Variants in LIPI observed in about 807,000 individuals in gnomAD.
LIPI encodes the protein lipase I, also known as lipase member I.
LIPI carries 59 observed loss-of-function variants against 50.6 expected under a neutral mutation model. The observed-to-expected ratio is 1.16, with a 90% CI of 0.94 to 1.45. The LOEUF (loss-of-function observed/expected upper bound fraction) is 1.45, where lower values mean the gene tolerates loss of function less well. LIPI is among the 40% of genes most tolerant of loss of function. LIPI has a pLI of 0.00. For missense variants in LIPI, 586 were observed against 536.3 expected, an observed-to-expected ratio of 1.09 and a Z score of -0.92; for synonymous variants, 203 against 178.2, an observed-to-expected ratio of 1.14 and a Z score of -1.11.
Position 14,165,389 on chromosome 21 carries a change from TC to T in LIPI, c.734del (p.Gly245GlufsTer20). 2 of 1,606,088 alleles carry T rather than the reference TC, an allele frequency of 1.2e-6. No homozygotes were observed. The highest frequency in any genetic ancestry group is 1.7e-6 in the Non-Finnish European group (2 of 1,174,088). On this transcript the variant is annotated frameshift_variant and splice_region_variant, in exon 6 of 10. Coordinates refer to ENST00000681601, the MANE Select transcript of LIPI (RefSeq NM_001302998.2). LOFTEE classifies it high-confidence loss of function. ...GGTGGTTGCATTTAATGAATTGAAT[TC>T]CTTAAGGGTTAAAAAAAAAACAAAG... ...QPGCPKSIFSGIQFIKCNHQR... is the reference protein window; with the variant it reads ...QPGCPKSIFSXIQFIKCNHQR...
chr21:14,181,799 G>T lies in LIPI; in HGVS notation c.602C>A (p.Thr201Lys). The stretch of plus-strand genomic sequence containing the variant: ...GATGACATCCACAAACTTTGCATCC[G>T]TGTAATCTAATCTGCTATATGGTGG... ...RKPPYSRLDY[T>K]DAKFVDVIHS... The change falls in exon 4 of 10, where the codon ACG becomes AAG. Residue 201 changes from threonine (T) to lysine (K), a missense_variant. Transcript: ENST00000681601. The T allele has an allele frequency of 1.9e-6, 3 of 1,611,730 alleles. No individual in the cohort carries two copies. The highest frequency in any genetic ancestry group is 2.5e-6 in the Non-Finnish European group (3 of 1,178,252).
intron 9 of LIPI, among the ~76,000 whole-genome samples, chr21:14,123,644 A>T (rs934121259): frequency 8.3e-4 from 127 of 152,340 alleles, no homozygotes; most frequent in African/African-American, 3.1e-3. Context: ...AAAGATAACA[A>T]ATGGCCTCCT....
In LIPI at chr21:14,189,230, A is replaced by T. The variant is rs1340453540; in HGVS notation, c.236T>A (p.Leu79His). ...GCCTACTGGTCTGTATCCGTGAATA[A>T]GCCAGACTGTTTTCTTTTGTGTGTT... ...NFNTQKKTVWLIHGYRPVGSI... is the reference protein window; with the variant it reads ...NFNTQKKTVWHIHGYRPVGSI... The change falls in exon 2 of 10, where the codon CTT becomes CAT. Residue 79 changes from leucine (L) to histidine (H), a missense_variant. Physicochemically the swap from Leu to His is moderately conservative, Grantham distance 99 (BLOSUM62 -3). Transcript: ENST00000681601. 2 of 1,614,056 alleles carry T rather than the reference A, an allele frequency of 1.2e-6. No homozygotes were observed. The highest frequency in any genetic ancestry group is 2.2e-5 in the South Asian group (2 of 91,078).
intron 4 of LIPI, among the ~76,000 whole-genome samples, chr21:14,169,770 C>A (rs1006979523): frequency 2.0e-5 from 3 of 151,998 alleles, no homozygotes; most frequent in Non-Finnish European, 4.4e-5. Context: ...AGGAAAGATC[C>A]AAAATTGACA....
At chr21:14,201,128 T>C (rs2020037827) in intron 1 of LIPI, among the ~76,000 whole-genome samples, 1 of 152,016 alleles carries the variant, frequency 6.6e-6, no homozygotes, top group Non-Finnish European at 1.5e-5. Flanking sequence ...ATTAAAAACA[T>C]AAAATGTAAA....
chr21:14,194,231 G>T (rs2019769876), intron 1 of LIPI, among the ~76,000 whole-genome samples: 1 of 152,120 alleles, frequency 6.6e-6, no homozygotes, highest in African/African-American at 2.4e-5. Flanking sequence ...AGCTGCTGTG[G>T]AAAATGGTAT....
At chr21:14,153,469 G>T (rs2018170198) in intron 7 of LIPI, among the ~76,000 whole-genome samples, 1 of 152,142 alleles carries the variant, frequency 6.6e-6, no homozygotes, top group African/African-American at 2.4e-5. Flanking sequence ...GATTATTTCT[G>T]ACAGCACAGA....
chr21:14,157,517 G>A (rs1266722169), intron 7 of LIPI, among the ~76,000 whole-genome samples: 3 of 151,816 alleles, frequency 2.0e-5, no homozygotes, highest in African/African-American at 7.2e-5. Context: ...ACCAGGCTTT[G>A]GAGAACGTTA....
chr21:14,150,578 G>A (rs1483196016), intron 8 of LIPI, among the ~76,000 whole-genome samples: 1 of 152,084 alleles, frequency 6.6e-6, no homozygotes, highest in Non-Finnish European at 1.5e-5. Context: ...TGAATAATTT[G>A]AATAAGCAAT....
intron 1 of LIPI, among the ~76,000 whole-genome samples, chr21:14,199,640 C>G (rs377414): frequency 0.51 from 76,073 of 150,184 alleles, 19,606 homozygotes; most frequent in Non-Finnish European, 0.56. Flanking sequence ...TCTGGGACCA[C>G]ATGTATTCAC....
At position 14,210,941 on chromosome 21, in the gene LIPI, G is replaced by A. The variant is rs1303898216; in HGVS notation, c.-96C>T. The A allele has an allele frequency of 2.8e-6, 3 of 1,087,310 alleles. No homozygotes were observed. Among genetic ancestry groups the A allele is most frequent in the South Asian group, 4.7e-5 (2 of 42,330 alleles). The allele number at this position is 1,087,310 out of a possible 1,614,324, so 67.4% of individuals were successfully genotyped here. On this transcript the variant is annotated 5_prime_UTR_variant, in exon 1 of 10. Transcript: ENST00000681601. ...CTCTTTGGTAGGATCATCACAGGCT[G>A]GCAGGTTCTTCTGTAAAAGTTCACT... is the stretch of plus-strand genomic sequence containing the variant.
Position 14,135,780 on chromosome 21 carries a change from A to G in LIPI, c.1295+8843T>C, listed in dbSNP as rs551216432. On this transcript the variant is annotated intron_variant, in intron 9 of 9. Coordinates refer to ENST00000681601, the MANE Select transcript of LIPI (RefSeq NM_001302998.2). ...AGTCCTAGGGCTGAACTAGGCCCAGAGGCAATAGATTGAGGGGCCATGTCA... is the reference window on the plus strand; with the variant it reads ...AGTCCTAGGGCTGAACTAGGCCCAGGGGCAATAGATTGAGGGGCCATGTCA... Among the ~76,000 whole-genome samples, 12 of 152,018 alleles carry G rather than the reference A, an allele frequency of 7.9e-5. No homozygotes were observed. The East Asian group carries it at 2.3e-3, about 29-fold the overall frequency.
chr21:14,205,538 G>C (rs957482056), intron 1 of LIPI, among the ~76,000 whole-genome samples: 22 of 151,248 alleles, frequency 1.5e-4, no homozygotes, highest in African/African-American at 5.4e-4. Context: ...GTATATATTT[G>C]TGCACATACC....
At chr21:14,166,314 C>T (rs1481053439) in intron 5 of LIPI, 48 bp downstream of exon 5, 2 of 1,040,914 alleles carry the variant, frequency 1.9e-6, no homozygotes, top group South Asian at 2.5e-5. Context: ...TATTTTCTTT[C>T]ATCATTTCGA....
At chr21:14,124,960 A>G (rs1288231078) in intron 9 of LIPI, among the ~76,000 whole-genome samples, 1 of 151,526 alleles carries the variant, frequency 6.6e-6, no homozygotes, top group African/African-American at 2.4e-5. Context: ...ATGTCATTGC[A>G]CTCCAGCCTG....
chr21:14,163,637 G>A, intron 6 of LIPI, 114 bp from the exon 7 acceptor site: 1 of 658,276 alleles, frequency 1.5e-6, no homozygotes, highest in Non-Finnish European at 2.8e-6. Flanking sequence ...TGATCATCAT[G>A]GATTTTGATA....
chr21:14,118,035 T>C (rs556499055), intron 9 of LIPI, among the ~76,000 whole-genome samples: 1 of 151,446 alleles, frequency 6.6e-6, no homozygotes, highest in South Asian at 2.1e-4. Context: ...GAGAGATCAA[T>C]GTGTGAGATG....
intron 9 of LIPI, among the ~76,000 whole-genome samples, chr21:14,138,286 A>T (rs2017581309): frequency 6.6e-6 from 1 of 152,136 alleles, no homozygotes; most frequent in Non-Finnish European, 1.5e-5. Context: ...AAAAAAATAA[A>T]GATTTCAGGA....
intron 9 of LIPI, among the ~76,000 whole-genome samples, chr21:14,117,432 G>A (rs2016692709): frequency 6.6e-6 from 1 of 152,194 alleles, no homozygotes; most frequent in Non-Finnish European, 1.5e-5. Context: ...CAGTAGGCAT[G>A]GCAGATGTCA....
Sources: gnomAD v4.1 joint callset for allele counts (sites outside exome capture counted in the v4.1 genomes callset) on GRCh38, gnomAD v4.1.1 for gene constraint, MANE v1.5 for transcripts, NCBI Gene and HGNC (gene_info 2026-07-23, HGNC 2026-07-21) for gene names.